ATXN10: variants seen among roughly 807,000 people sequenced by gnomAD.
The protein encoded by ATXN10 is ataxin-10.
Under a neutral mutation model 52.9 loss-of-function variants are expected in ATXN10, and 28 were observed. That is an observed-to-expected ratio of 0.53 (90% confidence interval 0.39 to 0.73). The LOEUF (loss-of-function observed/expected upper bound fraction) is 0.73, where lower values mean the gene tolerates loss of function less well. ATXN10 is among the 30% of genes least tolerant of loss of function. ATXN10 has a pLI of 0.00. For missense variants in ATXN10, 565 were observed against 577.0 expected, an observed-to-expected ratio of 0.98 and a Z score of 0.21; for synonymous variants, 226 against 221.5, an observed-to-expected ratio of 1.02 and a Z score of -0.18.
intron 5 of ATXN10, among the ~76,000 whole-genome samples, chr22:45,707,203 G>A (rs1008697708): frequency 3.3e-5 from 5 of 151,976 alleles, no homozygotes; most frequent in African/African-American, 1.2e-4. Flanking sequence ...GTGTGATTAG[G>A]CCACAGATTT....
chr22:45,811,342 G>T (rs1928272844), intron 10 of ATXN10, among the ~76,000 whole-genome samples: 1 of 152,094 alleles, frequency 6.6e-6, no homozygotes, highest in African/African-American at 2.4e-5. Flanking sequence ...AATTTTATCA[G>T]TCCTTTTATT....
intron 9 of ATXN10, among the ~76,000 whole-genome samples, chr22:45,749,573 T>G (rs1031084113): frequency 2.0e-5 from 3 of 152,202 alleles, no homozygotes; most frequent in Admixed American, 6.5e-5. Flanking sequence ...CTTTTTTTCT[T>G]TTTTAAGAGG....
At chr22:45,722,358 T>A (rs1450851293) in intron 6 of ATXN10, among the ~76,000 whole-genome samples, 2 of 152,214 alleles carry the variant, frequency 1.3e-5, no homozygotes, top group Non-Finnish European at 2.9e-5. Context: ...GACTCATTCC[T>A]TAACAGTGGG....
rs775497646 is a variant in ATXN10, at chr22:45,841,774, G to T, written c.1238-1217G>T. 1.3e-5 allele frequency among the ~76,000 whole-genome samples: 2 copies of T among 152,208 alleles called. No homozygotes were observed. The highest frequency in any genetic ancestry group is 2.4e-5 in the African/African-American group (1 of 41,454). On this transcript the variant is annotated intron_variant, in intron 10 of 11. Transcript: ENST00000252934. This position sits in a 1 kb window ranked among gnomAD's most constrained non-coding sequence, Gnocchi z 5.1. ...CTACAGGAAAGAGCACCAGCTTTGT[G>T]AATGTTGAAGTTTTCTCTGTGTTCT...
At chr22:45,746,802 C>G (rs1236687779) in intron 9 of ATXN10, among the ~76,000 whole-genome samples, 1 of 152,196 alleles carries the variant, frequency 6.6e-6, no homozygotes, top group African/African-American at 2.4e-5. Flanking sequence ...CCCTGACTTA[C>G]ACTCTACCTA....
chr22:45,794,722 C>A (rs1337703990), intron 9 of ATXN10, among the ~76,000 whole-genome samples: 2 of 151,880 alleles, frequency 1.3e-5, no homozygotes, highest in Non-Finnish European at 2.9e-5. Context: ...ATGTATCCAG[C>A]CAAAATATCC....
rs1193161945 is a variant in ATXN10, at chr22:45,683,252, G to A, written c.117-6460G>A. Among the ~76,000 whole-genome samples the A allele has an allele frequency of 3.3e-5, 5 of 152,204 alleles. No homozygotes were observed. Among genetic ancestry groups the A allele is most frequent in the Admixed American group, 6.5e-5 (1 of 15,278 alleles). ...GAGAATTGCTTGAACTTGGGAGGCG[G>A]GGGTTGCAGTGAGCTGAGATCCTGC... On this transcript the variant is annotated intron_variant, in intron 1 of 11. Coordinates refer to ENST00000252934, the MANE Select transcript of ATXN10 (RefSeq NM_013236.4). This position sits in a 1 kb window ranked among gnomAD's most constrained non-coding sequence, Gnocchi z 4.8.
intron 5 of ATXN10, among the ~76,000 whole-genome samples, chr22:45,716,955 A>G (rs1924471347): frequency 1.3e-5 from 2 of 152,046 alleles, no homozygotes; most frequent in Non-Finnish European, 2.9e-5. Flanking sequence ...CACCTGAGAC[A>G]CTCTGAAGAC....
chr22:45,765,563 A>G (rs768348732), intron 9 of ATXN10, among the ~76,000 whole-genome samples: 2 of 152,142 alleles, frequency 1.3e-5, no homozygotes, highest in Non-Finnish European at 2.9e-5. Context: ...GCACCTTGGC[A>G]TTACCTAAGT....
intron 7 of ATXN10, among the ~76,000 whole-genome samples, chr22:45,731,720 C>T (rs1008404900): frequency 4.6e-5 from 7 of 152,158 alleles, no homozygotes; most frequent in Admixed American, 2.6e-4. Flanking sequence ...TATGACTGCT[C>T]GCCCACGAGA....
rs1048869235 is a variant in ATXN10 at position 45,712,205 on chromosome 22, C to T, written c.648-6208C>T. ...GGGGGCACAGGCTGTCAGGTTTGGG[C>T]CCACTCTTGAAGGAAAAAGCTACCA... On this transcript the variant is annotated intron_variant, in intron 5 of 11. Transcript: ENST00000252934. This position sits in a 1 kb window ranked among gnomAD's most constrained non-coding sequence, Gnocchi z 4.6. Among the ~76,000 whole-genome samples the T allele has an allele frequency of 6.6e-6, 1 of 151,970 alleles. No individual in the cohort carries two copies.
rs1490299968 is a variant in ATXN10, at chr22:45,685,500, GTTA to G, written c.117-4205_117-4203del. ...TTTGGTTAAAGCAGAAATGACAGCA[GTTA>G]TTATTAATAACTTTTGTAATATTGG... is the stretch of plus-strand genomic sequence containing the variant. On this transcript the variant is annotated intron_variant, in intron 1 of 11. Coordinates refer to ENST00000252934, the MANE Select transcript of ATXN10 (RefSeq NM_013236.4). 3.3e-5 allele frequency among the ~76,000 whole-genome samples: 5 copies of G among 152,174 alleles called. No individual in the cohort carries two copies. In the East Asian group the frequency reaches 5.8e-4, roughly 18 times the overall value.
chr22:45,677,443 C>T lies in ATXN10; in HGVS notation c.116+5264C>T, dbSNP rs1172347003. The T allele has an allele frequency of 1.4e-5, 2 of 146,704 alleles. No homozygotes were observed. The highest frequency in any genetic ancestry group is 2.5e-5 in the African/African-American group (1 of 39,612). 9.1% of individuals were successfully genotyped at this position (146,704 alleles called of 1,614,324 possible). ...GTATAGCTCATTTTTTCTCTTCAATCTGCTTAGACAAAATGAGGTTTTCGT... is the reference window on the plus strand; with the variant it reads ...GTATAGCTCATTTTTTCTCTTCAATTTGCTTAGACAAAATGAGGTTTTCGT... On this transcript the variant is annotated intron_variant, in intron 1 of 11. Transcript: ENST00000252934. The surrounding 1 kb of genome is among the most constrained non-coding windows in gnomAD (Gnocchi z 4.1).
intron 10 of ATXN10, among the ~76,000 whole-genome samples, chr22:45,813,646 C>A (rs936943921): frequency 6.6e-6 from 1 of 151,970 alleles, no homozygotes; most frequent in African/African-American, 2.4e-5. Context: ...TTCTGCCACC[C>A]CTTAATTTCC....
chr22:45,816,014 C>T lies in ATXN10; in HGVS notation c.1237+8992C>T, dbSNP rs1293293263. Among the ~76,000 whole-genome samples, 3 of 152,150 alleles carry T rather than the reference C, an allele frequency of 2.0e-5. No homozygotes were observed. Among genetic ancestry groups the T allele is most frequent in the Non-Finnish European group, 4.4e-5 (3 of 68,042 alleles). On this transcript the variant is annotated intron_variant, in intron 10 of 11. Transcript: ENST00000252934. This position sits in a 1 kb window ranked among gnomAD's most constrained non-coding sequence, Gnocchi z 5.8. The stretch of plus-strand genomic sequence containing the variant: ...CCTGTAATCCTAGCACTTTGGGAGG[C>T]TGAGGTGTGTGCATCACTTGAGGTC...
In ATXN10 at chr22:45,672,147, G is replaced by A; in HGVS notation, c.84G>A (p.Ala28=). 1 of 1,539,164 alleles carries A rather than the reference G, an allele frequency of 6.5e-7. No individual in the cohort carries two copies. Among genetic ancestry groups the A allele is most frequent in the Non-Finnish European group, 8.7e-7 (1 of 1,145,046 alleles). ...TCCAAGACCTGGAGGCCCTGCGCGC[G>A]CTCACGGCGCTCTTCAAAGAGCAGC... The part of the protein sequence containing the change: ...APIQDLEALR[A]LTALFKEQRN... Residue 28 remains alanine (A), a synonymous_variant, in exon 1 of 12, where the codon GCG becomes GCA. Coordinates refer to ENST00000252934, the MANE Select transcript of ATXN10 (RefSeq NM_013236.4).
chr22:45,749,219 G>A (rs1925851229), intron 9 of ATXN10, among the ~76,000 whole-genome samples: 1 of 152,126 alleles, frequency 6.6e-6, no homozygotes, highest in African/African-American at 2.4e-5. Context: ...CTTAACACCT[G>A]CCGTAACACT....
At chr22:45,764,423 T>C (rs1394319662) in intron 9 of ATXN10, among the ~76,000 whole-genome samples, 1 of 152,162 alleles carries the variant, frequency 6.6e-6, no homozygotes, top group Admixed American at 6.5e-5. Context: ...TCCCCATGAG[T>C]TTGAGTCTCA....
At chr22:45,723,467 C>T (rs756373340) in intron 6 of ATXN10, among the ~76,000 whole-genome samples, 1 of 151,752 alleles carries the variant, frequency 6.6e-6, no homozygotes, top group Admixed American at 6.6e-5. Flanking sequence ...TTTTAGTGCA[C>T]CTGTCACCTG....
Sources: allele counts gnomAD v4.1 joint callset (sites outside exome capture counted in the v4.1 genomes callset), GRCh38; gene constraint gnomAD v4.1.1; non-coding constraint Gnocchi (gnomAD v3.1); transcripts MANE v1.5; gene names NCBI Gene and HGNC (gene_info 2026-07-23, HGNC 2026-07-21).